Variants in ITGB8 observed in about 807,000 individuals in gnomAD.
ITGB8 encodes integrin beta-8.
ITGB8 carries 30 observed loss-of-function variants against 89.5 expected under a neutral mutation model. The observed-to-expected ratio is 0.34, with a 90% CI of 0.25 to 0.45. The LOEUF (loss-of-function observed/expected upper bound fraction) is 0.45. Ranked by LOEUF, ITGB8 falls within the 20% of genes least tolerant of loss-of-function variation. The pLI is 1.00. For missense variants in ITGB8, 836 were observed against 933.3 expected (o/e 0.90, Z 1.36); for synonymous variants, 335 against 320.4 (o/e 1.05, Z -0.49).
intron 1 of ITGB8, among the ~76,000 whole-genome samples, chr7:20,353,931 C>CAAAAAAAAAAAAAAA (rs1158594685): frequency 1.8e-5 from 1 of 55,720 alleles, no homozygotes; most frequent in Non-Finnish European, 2.9e-5. Context: ...GACTCCGTCT[C>CAAAAAAAAAAAAAAA]AAAAAAAAAA....
intron 6 of ITGB8, among the ~76,000 whole-genome samples, chr7:20,382,743 C>G (rs1786450950): frequency 6.6e-6 from 1 of 152,062 alleles, no homozygotes; most frequent in African/African-American, 2.4e-5. Flanking sequence ...TTAGTATCTC[C>G]TTAAAAATAA....
chr7:20,394,870 T>G lies in ITGB8; in HGVS notation c.1057-26T>G, dbSNP rs375730799. The G allele has an allele frequency of 2.5e-5, 38 of 1,492,278 alleles. No homozygotes were observed. The African/African-American group carries it at 5.0e-4, about 19-fold the overall frequency. 92.4% of individuals were successfully genotyped at this position (1,492,278 alleles called of 1,614,324 possible). A position where few individuals can be genotyped will look rare whatever the true frequency, so the allele number is the denominator to read the frequency against. ...ACCCATTACATACTATTGTCATTGT[T>G]TAAATGCTACTGATATGTTTTATAG... is the stretch of plus-strand genomic sequence containing the variant. On this transcript the variant is annotated intron_variant, in intron 7 of 13. Coordinates refer to ENST00000222573, the MANE Select transcript of ITGB8 (RefSeq NM_002214.3).
chr7:20,350,354 G>A (rs951675388), intron 1 of ITGB8, among the ~76,000 whole-genome samples: 3 of 152,130 alleles, frequency 2.0e-5, no homozygotes, highest in African/African-American at 4.8e-5. Flanking sequence ...TGCCATGTTG[G>A]TCAGGCTGGT....
intron 3 of ITGB8, among the ~76,000 whole-genome samples, chr7:20,369,612 T>C (rs1439146447): frequency 6.6e-6 from 1 of 152,176 alleles, no homozygotes; most frequent in Non-Finnish European, 1.5e-5. Flanking sequence ...GGCTCCAACA[T>C]ATGAATTTTT....
At chr7:20,363,533 A>G (rs2127943293) in intron 1 of ITGB8, 104 bp from the exon 2 acceptor site, 2 of 551,424 alleles carry the variant, frequency 3.6e-6, no homozygotes, top group South Asian at 5.4e-5. Context: ...CTCTTGTTTC[A>G]GTTTTTCATT....
At chr7:20,340,029 A>G (rs1784703217) in intron 1 of ITGB8, among the ~76,000 whole-genome samples, 1 of 152,204 alleles carries the variant, frequency 6.6e-6, no homozygotes, top group African/African-American at 2.4e-5. Context: ...GACTTTGTCT[A>G]AAATAAAATA....
intron 8 of ITGB8, among the ~76,000 whole-genome samples, chr7:20,397,650 A>T (rs1364003532): frequency 6.6e-6 from 1 of 152,210 alleles, no homozygotes; most frequent in Non-Finnish European, 1.5e-5. Context: ...CTGGAAGTTT[A>T]TATTGATTTA....
chr7:20,332,516 T>C (rs567586688), intron 1 of ITGB8, among the ~76,000 whole-genome samples: 2 of 152,240 alleles, frequency 1.3e-5, no homozygotes, highest in Non-Finnish European at 2.9e-5. Context: ...TACTATCTAA[T>C]TGATCCCTCA....
At position 20,409,737 on chromosome 7, in the gene ITGB8, A is replaced by C; in HGVS notation, c.2146A>C (p.Ile716Leu). 1 of 1,612,968 alleles carries C rather than the reference A, an allele frequency of 6.2e-7. No individual in the cohort carries two copies. Among genetic ancestry groups the C allele is most frequent in the Non-Finnish European group, 8.5e-7 (1 of 1,179,350 alleles). Reference sequence around the variant, plus strand: ...GATACTACAATGGAATAGTAATAAAATTAAGTCCTCATCAGATTACAGAGT... The same window carrying C: ...GATACTACAATGGAATAGTAATAAACTTAAGTCCTCATCAGATTACAGAGT... ...QVILQWNSNK[I>L]KSSSDYRVSA... is the part of the protein sequence containing the mutation. Residue 716 changes from isoleucine (I) to leucine (L), a missense_variant, in exon 13 of 14, where the codon ATT becomes CTT. Physicochemically the swap from Ile to Leu is conservative, Grantham distance 5 (BLOSUM62 2). Around this residue, in one of 5 missense-constraint regions of ITGB8, gnomAD observed 422 missense variants for 416.9 expected, o/e 1.01. Transcript: ENST00000222573.
intron 5 of ITGB8, 61 bp from the exon 6 acceptor site, chr7:20,381,666 T>TA: frequency 1.5e-6 from 2 of 1,345,256 alleles, no homozygotes; most frequent in Non-Finnish European, 2.1e-6. Context: ...TTACTTGAGG[T>TA]AAAAACCACA....
At chr7:20,370,843 G>C (rs372338225) in intron 3 of ITGB8, among the ~76,000 whole-genome samples, 7 of 151,940 alleles carry the variant, frequency 4.6e-5, no homozygotes, top group African/African-American at 1.7e-4. Flanking sequence ...CGAACTCCTC[G>C]ACTCAGGTGA....
chr7:20,389,170 T>C (rs994803930), intron 6 of ITGB8, among the ~76,000 whole-genome samples: 25 of 152,314 alleles, frequency 1.6e-4, no homozygotes, highest in African/African-American at 6.0e-4. Flanking sequence ...TCCAATGATA[T>C]TTCTGGTTCT....
intron 3 of ITGB8, among the ~76,000 whole-genome samples, chr7:20,378,299 T>C (rs992707974): frequency 6.6e-6 from 1 of 152,156 alleles, no homozygotes; most frequent in Non-Finnish European, 1.5e-5. Context: ...CCAAGGTGGG[T>C]GCCTCGCTCA....
intron 3 of ITGB8, among the ~76,000 whole-genome samples, chr7:20,369,665 T>C (rs913489246): frequency 6.6e-6 from 1 of 152,126 alleles, no homozygotes; most frequent in African/African-American, 2.4e-5. Flanking sequence ...ATAAATAATA[T>C]TTTCAAAAGC....
intron 8 of ITGB8, among the ~76,000 whole-genome samples, chr7:20,398,635 T>C (rs1466886551): frequency 6.6e-6 from 1 of 152,140 alleles, no homozygotes; most frequent in South Asian, 2.1e-4. Flanking sequence ...GTAAAAAAAA[T>C]AGAACAATTT....
chr7:20,333,517 C>T (rs950706815), intron 1 of ITGB8, among the ~76,000 whole-genome samples: 3 of 152,132 alleles, frequency 2.0e-5, no homozygotes, highest in African/African-American at 7.2e-5. Context: ...ATTTTGTTCC[C>T]AACGTACAGG....
At chr7:20,353,164 A>G (rs2214442) in intron 1 of ITGB8, 81,637 of 152,100 alleles carry the variant, frequency 0.54, 22,712 homozygotes, top group South Asian at 0.72. Flanking sequence ...AATGGAATGC[A>G]TTGCATTGTC....
chr7:20,340,784 T>C (rs1443547387), intron 1 of ITGB8, among the ~76,000 whole-genome samples: 1 of 152,140 alleles, frequency 6.6e-6, no homozygotes, highest in Non-Finnish European at 1.5e-5. Flanking sequence ...AAAAGCTTCA[T>C]CCTTATGGAA....
intron 12 of ITGB8, among the ~76,000 whole-genome samples, chr7:20,408,115 G>GC (rs1397737739): frequency 1.3e-5 from 2 of 152,166 alleles, no homozygotes; most frequent in African/African-American, 2.4e-5. Context: ...CAAGCCACGT[G>GC]CCCCCTCTGA....
Sources: allele counts gnomAD v4.1 joint callset (sites outside exome capture counted in the v4.1 genomes callset), GRCh38; gene constraint gnomAD v4.1.1; regional missense constraint gnomAD v4.1.1; transcripts MANE v1.5; gene names NCBI Gene and HGNC (gene_info 2026-07-23, HGNC 2026-07-21).